The following PREPL variants were observed in gnomAD, a reference collection of about 807,000 sequenced individuals.
The protein encoded by PREPL is prolyl endopeptidase like.
Under a neutral mutation model 70.6 loss-of-function variants are expected in PREPL, and 77 were observed. The ratio of observed to expected loss-of-function variants is 1.09; its 90% CI spans 0.91 to 1.32. The LOEUF is 1.32. PREPL is among the 40% of genes most tolerant of loss of function. The pLI is 0.00. For missense variants in PREPL, 1,002 were observed against 778.2 expected, an observed-to-expected ratio of 1.29 and a Z score of -3.42; for synonymous variants, 315 against 264.8, an observed-to-expected ratio of 1.19 and a Z score of -1.84.
Position 44,343,732 on chromosome 2 carries a change from G to A in PREPL, c.349+13C>T, listed in dbSNP as rs756110874. On this transcript the variant is annotated intron_variant, in intron 4 of 13. Transcript: ENST00000409411. ...CCTTTCAACACAGAGGACTATTTTG[G>A]TTGGTGGCTTACCAAAACTGGACAC... The A allele has an allele frequency of 2.3e-5, 37 of 1,605,542 alleles. 1 individual carries two copies. In the Admixed American group the frequency reaches 4.7e-4, roughly 20 times the overall value.
chr2:44,353,952 G>C (rs1014882761), intron 1 of PREPL, among the ~76,000 whole-genome samples: 2 of 152,172 alleles, frequency 1.3e-5, no homozygotes, highest in African/African-American at 2.4e-5. Flanking sequence ...CTTGAGCTTA[G>C]GAGTTTGAGA....
intron 1 of PREPL, among the ~76,000 whole-genome samples, chr2:44,348,270 C>G (rs1676036001): frequency 6.6e-6 from 1 of 152,110 alleles, no homozygotes; most frequent in Non-Finnish European, 1.5e-5. Context: ...ATTTTTAAAG[C>G]ATTTCTACAA....
chr2:44,346,163 C>G, intron 2 of PREPL, 105 bp downstream of exon 2: 1 of 1,048,738 alleles, frequency 9.5e-7, no homozygotes, highest in Non-Finnish European at 1.4e-6. Context: ...AGGCCAAAAG[C>G]AGTATAATCT....
chr2:44,357,669 T>C (rs1455534725), intron 1 of PREPL, among the ~76,000 whole-genome samples: 1 of 152,252 alleles, frequency 6.6e-6, no homozygotes, highest in Non-Finnish European at 1.5e-5. Context: ...GTTTAGAATG[T>C]GAGCTAATAT....
rs1373481977 is a variant in PREPL, at chr2:44,318,453, C to T, written c.*2903G>A. Reference sequence around the variant, plus strand: ...TTTAAATATTTTATCAACAGAAAACCAGTTCTATCAACTATGGGCCCAGTA... The same window carrying T: ...TTTAAATATTTTATCAACAGAAAACTAGTTCTATCAACTATGGGCCCAGTA... On this transcript the variant is annotated 3_prime_UTR_variant, in exon 14 of 14. Coordinates refer to ENST00000409411, the MANE Select transcript of PREPL (RefSeq NM_001171613.2). 1.1e-5 allele frequency: 2 copies of T among 174,180 alleles called. No individual in the cohort carries two copies. The highest frequency in any genetic ancestry group is 2.5e-5 in the Non-Finnish European group (2 of 80,624). The allele number at this position is 174,180 out of a possible 1,614,324, so 10.8% of individuals were successfully genotyped here.
intron 1 of PREPL, among the ~76,000 whole-genome samples, chr2:44,360,841 G>A (rs545812281): frequency 1.3e-5 from 2 of 152,276 alleles, no homozygotes; most frequent in South Asian, 4.1e-4. Flanking sequence ...GTTGCACACC[G>A]CTGAATGTCA....
chr2:44,340,118 A>T (rs548514920), intron 5 of PREPL, among the ~76,000 whole-genome samples: 1 of 152,064 alleles, frequency 6.6e-6, no homozygotes, highest in East Asian at 1.9e-4. Flanking sequence ...AGTCTTTGTG[A>T]TTATTATTTT....
intron 5 of PREPL, among the ~76,000 whole-genome samples, chr2:44,340,570 A>G (rs1675104004): frequency 6.6e-6 from 1 of 152,128 alleles, no homozygotes; most frequent in Non-Finnish European, 1.5e-5. Flanking sequence ...CTTTTGTGAA[A>G]TGTGTGTCTA....
rs1413037502 is a variant in PREPL, at chr2:44,320,076, C to A, written c.*1280G>T. On this transcript the variant is annotated 3_prime_UTR_variant, in exon 14 of 14. Transcript: ENST00000409411. ...CTACTTATTGATGCTTACAATTTGG[C>A]AATTATAAGGGGCAAAATTGGAGCA... 18 of 773,786 alleles carry A rather than the reference C, an allele frequency of 2.3e-5. No homozygotes were observed. Among genetic ancestry groups the A allele is most frequent in the Non-Finnish European group, 3.7e-5 (18 of 485,530 alleles). The allele number at this position is 773,786 out of a possible 1,614,324, so 47.9% of individuals were successfully genotyped here. A position where few individuals can be genotyped will look rare whatever the true frequency, so the allele number is the denominator to read the frequency against.
Position 44,326,755 on chromosome 2 carries a change from A to G in PREPL, c.1436T>C (p.Leu479Ser), listed in dbSNP as rs1267140464. ...CACCAGCTCTGGATTAGAATTACAC[A>G]ATGCTCCTGCAAGCACCCCTCCAGC... is the stretch of plus-strand genomic sequence containing the variant. ...FSAGGVLAGA[L>S]CNSNPELVRA... is the part of the protein sequence containing the mutation. Residue 479 changes from leucine (L) to serine (S), a missense_variant, in exon 10 of 14, where the codon TTG (leucine) becomes TCG (serine). Leu to Ser is a moderately radical substitution (Grantham distance 145, BLOSUM62 -2). Transcript: ENST00000409411. The G allele has an allele frequency of 5.0e-6, 8 of 1,613,922 alleles. No individual in the cohort carries two copies. The Admixed American group carries it at 1.0e-4, about 20-fold the overall frequency.
intron 8 of PREPL, among the ~76,000 whole-genome samples, chr2:44,329,503 T>C (rs1210005443): frequency 1.3e-5 from 2 of 152,176 alleles, no homozygotes; most frequent in Admixed American, 6.5e-5. Context: ...GAGCTAGATA[T>C]TGGCATTTTT....
chr2:44,356,945 C>T (rs1003527132), intron 1 of PREPL, among the ~76,000 whole-genome samples: 6 of 152,122 alleles, frequency 3.9e-5, no homozygotes, highest in Admixed American at 3.9e-4. Flanking sequence ...GCTGGGATTA[C>T]AGGCGTGCGC....
chr2:44,335,038 A>C (rs971998243), intron 7 of PREPL, among the ~76,000 whole-genome samples: 3 of 152,240 alleles, frequency 2.0e-5, no homozygotes, highest in Non-Finnish European at 2.9e-5. Flanking sequence ...TCTGATCTAT[A>C]AAATTCTCTT....
chr2:44,351,381 G>A (rs1390516570), intron 1 of PREPL, among the ~76,000 whole-genome samples: 1 of 152,018 alleles, frequency 6.6e-6, no homozygotes, highest in African/African-American at 2.4e-5. Context: ...ATTTACAGCT[G>A]TAGCCTGAAC....
intron 5 of PREPL, among the ~76,000 whole-genome samples, chr2:44,340,644 T>C (rs1255999580): frequency 1.3e-5 from 2 of 152,106 alleles, no homozygotes; most frequent in East Asian, 1.9e-4. Context: ...ATTAAGAATA[T>C]TGGCTGGGCA....
chr2:44,348,151 A>G (rs1676026246), intron 1 of PREPL, among the ~76,000 whole-genome samples: 1 of 152,176 alleles, frequency 6.6e-6, no homozygotes, highest in Non-Finnish European at 1.5e-5. Flanking sequence ...CAGCCTCCCA[A>G]GTAGATGGGA....
chr2:44,350,107 T>A (rs1676255729), intron 1 of PREPL, among the ~76,000 whole-genome samples: 1 of 152,096 alleles, frequency 6.6e-6, no homozygotes, highest in Admixed American at 6.6e-5. Context: ...TAATATAACC[T>A]TGACATCAAA....
At position 44,343,931 on chromosome 2, in the gene PREPL, C is replaced by G. The variant is rs1422302131; in HGVS notation, c.163G>C (p.Val55Leu). 2.2e-5 allele frequency: 36 copies of G among 1,613,688 alleles called. No individual in the cohort carries two copies. The highest frequency in any genetic ancestry group is 2.8e-5 in the Non-Finnish European group (33 of 1,179,898). Residue 55 changes from valine (V) to leucine (L), a missense_variant, in exon 4 of 14, where the codon GTT (valine) becomes CTT (leucine). Physicochemically the swap from Val to Leu is conservative, Grantham distance 32 (BLOSUM62 1). Coordinates refer to ENST00000409411, the MANE Select transcript of PREPL (RefSeq NM_001171613.2). ...TTAAGTTCCTCCAAATTGAATAAAA[C>G]TTCATAATTATCATTGTCTGCTGTA... is the stretch of plus-strand genomic sequence containing the variant. ...DEEADNDNYE[V>L]LFNLEELKLD... is the part of the protein sequence containing the mutation.
At position 44,318,909 on chromosome 2, in the gene PREPL, T is replaced by G. The variant is rs1341418289; in HGVS notation, c.*2447A>C. 1 of 152,122 alleles carries G rather than the reference T, an allele frequency of 6.6e-6. No individual in the cohort carries two copies. The highest frequency in any genetic ancestry group is 2.4e-5 in the African/African-American group (1 of 41,432). 9.4% of individuals were successfully genotyped at this position (152,122 alleles called of 1,614,324 possible). Reference sequence around the variant, plus strand: ...AACAGCTTCAAAATATAGAAAATACTCAAATGCAAAATCAACAAATCTGCA... The same window carrying G: ...AACAGCTTCAAAATATAGAAAATACGCAAATGCAAAATCAACAAATCTGCA... On this transcript the variant is annotated 3_prime_UTR_variant, in exon 14 of 14. Transcript: ENST00000409411.
Sources: allele counts gnomAD v4.1 joint callset (sites outside exome capture counted in the v4.1 genomes callset), GRCh38; gene constraint gnomAD v4.1.1; transcripts MANE v1.5; gene names NCBI Gene and HGNC (gene_info 2026-07-23, HGNC 2026-07-21).